The following CHM variants were observed in gnomAD, a reference collection of about 807,000 sequenced individuals.
CHM encodes rab proteins geranylgeranyltransferase component A 1.
Under a neutral mutation model 49.0 loss-of-function variants are expected in CHM, and 10 were observed. The ratio of observed to expected loss-of-function variants is 0.20; its 90% CI spans 0.13 to 0.35. The LOEUF (loss-of-function observed/expected upper bound fraction) is 0.35, where lower values mean the gene tolerates loss of function less well. Ranked by LOEUF, CHM falls within the 10% of genes least tolerant of loss-of-function variation. CHM has a pLI of 1.00. For missense variants in CHM, 455 were observed against 478.4 expected, an observed-to-expected ratio of 0.95 and a Z score of 0.46; for synonymous variants, 184 against 167.5, an observed-to-expected ratio of 1.10 and a Z score of -0.76.
At chrX:85,979,540 G>A (rs779905556) in intron 3 of CHM, among the ~76,000 whole-genome samples, 48 of 111,796 alleles carry the variant, frequency 4.3e-4, no homozygotes, top group Non-Finnish European at 7.7e-4. Flanking sequence ...AAAATGTTCA[G>A]TAATTCCTAA....
chrX:85,868,018 ACTGTGTGTGTGTGTGT>A (rs988153912), intron 14 of CHM, among the ~76,000 whole-genome samples: 2 of 87,154 alleles, frequency 2.3e-5, no homozygotes, highest in African/African-American at 7.9e-5. Context: ...AATAGTTACC[ACTGTGTGTGTGTGTGT>A]GTGTGTGTGT....
chrX:85,973,083 G>T (rs1301717155), intron 4 of CHM, among the ~76,000 whole-genome samples: 1 of 109,659 alleles, frequency 9.1e-6, no homozygotes, highest in Admixed American at 9.7e-5. Flanking sequence ...TGCAGATCAT[G>T]AGGTCAAGAG....
At chrX:85,999,095 A>C (rs1932582163) in intron 2 of CHM, among the ~76,000 whole-genome samples, 1 of 111,545 alleles carries the variant, frequency 9.0e-6, no homozygotes, top group African/African-American at 3.3e-5. Context: ...ACCTAGAAAA[A>C]AAAAATTCAT....
At chrX:86,016,884 A>G (rs1479355371) in intron 2 of CHM, among the ~76,000 whole-genome samples, 3 of 112,196 alleles carry the variant, frequency 2.7e-5, no homozygotes, top group Admixed American at 1.9e-4. Flanking sequence ...ACCAGCTCAT[A>G]AAAGCAGCCA....
At chrX:85,991,234 G>C (rs181181397) in intron 2 of CHM, among the ~76,000 whole-genome samples, 21 of 111,864 alleles carry the variant, frequency 1.9e-4, no homozygotes, top group Admixed American at 1.7e-3. Context: ...TGGCAATCTT[G>C]TGAGGCAGAT....
intron 3 of CHM, among the ~76,000 whole-genome samples, chrX:85,981,206 C>CTATTTATATATATATATATATATATATA (rs1555958595): frequency 1.8e-5 from 1 of 54,366 alleles, no homozygotes; most frequent in African/African-American, 6.0e-5. Flanking sequence ...ATTTCTATTT[C>CTATTTATATATATATATATATATATATA]TATATATATA....
intron 1 of CHM, among the ~76,000 whole-genome samples, chrX:86,028,666 C>T (rs1432446144): frequency 9.0e-6 from 1 of 111,632 alleles, no homozygotes; most frequent in Non-Finnish European, 1.9e-5. Flanking sequence ...ATAGTTAATA[C>T]CCTGTAAGTT....
chrX:86,043,770 C>G (rs2147814329), intron 1 of CHM, among the ~76,000 whole-genome samples: 1 of 107,864 alleles, frequency 9.3e-6, no homozygotes, highest in South Asian at 4.2e-4. Context: ...CTCTGTTTCT[C>G]TGACTAGAGT....
At chrX:85,875,360 T>C (rs1448370740) in intron 13 of CHM, among the ~76,000 whole-genome samples, 2 of 111,960 alleles carry the variant, frequency 1.8e-5, no homozygotes, top group Admixed American at 1.9e-4. Context: ...GGGGTAGAAC[T>C]GGTTTTCTGC....
Position 85,956,252 on chromosome X carries a change from T to G in CHM, c.1067A>C (p.Lys356Thr). Reference sequence around the variant, plus strand: ...ACAGTGAAGAAAGTTTTTGGTAGCTTTGAGACCATCTATGGTGCTGCTGGC... The same window carrying G: ...ACAGTGAAGAAAGTTTTTGGTAGCTGTGAGACCATCTATGGTGCTGCTGGC... Reference protein sequence around the residue: ...ETASSTIDGLKATKNFLHCLG... With the variant: ...ETASSTIDGLTATKNFLHCLG... Residue 356 changes from lysine to threonine, a missense_variant, in exon 8 of 15, where the codon AAA becomes ACA. Transcript: ENST00000357749. The G allele has an allele frequency of 3.3e-6, 4 of 1,211,663 alleles. No homozygotes were observed. Among genetic ancestry groups the G allele is most frequent in the Non-Finnish European group, 4.5e-6 (4 of 895,406 alleles).
chrX:86,040,757 G>A (rs978125416), intron 1 of CHM, among the ~76,000 whole-genome samples: 31 of 111,874 alleles, frequency 2.8e-4, no homozygotes, highest in African/African-American at 9.8e-4. Flanking sequence ...TAAAAAAGCA[G>A]TATCTGTGAT....
At chrX:85,993,457 T>A (rs185645439) in intron 2 of CHM, among the ~76,000 whole-genome samples, 1 of 111,900 alleles carries the variant, frequency 8.9e-6, no homozygotes, top group Non-Finnish European at 1.9e-5. Flanking sequence ...CTCTTATCTA[T>A]CTATTGCATT....
intron 12 of CHM, among the ~76,000 whole-genome samples, chrX:85,890,616 CT>C (rs1238720658): frequency 8.9e-6 from 1 of 112,080 alleles, no homozygotes; most frequent in Non-Finnish European, 1.9e-5. Context: ...TAAGAAGTGC[CT>C]TTTGCCTCCT....
intron 6 of CHM, among the ~76,000 whole-genome samples, chrX:85,958,301 T>A (rs965029677): frequency 3.9e-5 from 4 of 102,580 alleles, no homozygotes; most frequent in African/African-American, 1.1e-4. Context: ...TTATGCCTTT[T>A]CTCCAATTAA....
intron 8 of CHM, among the ~76,000 whole-genome samples, chrX:85,920,487 A>C (rs748434088): frequency 8.9e-6 from 1 of 112,026 alleles, no homozygotes; most frequent in South Asian, 3.7e-4. Context: ...AGGCATTTAC[A>C]TGAGAAGTAG....
intron 2 of CHM, among the ~76,000 whole-genome samples, chrX:86,025,713 AG>A (rs1231803594): frequency 7.6e-5 from 7 of 91,583 alleles, no homozygotes; most frequent in African/African-American, 3.0e-4. Flanking sequence ...AAAAAGAAAA[AG>A]GAAAAGAAAA....
At position 85,989,218 on chromosome X, in the gene CHM, C is replaced by T. The variant is rs184857998; in HGVS notation, c.117-7409G>A. ...TGCCCACCTATGACCACCTGATCTTCGACAAAGCTGACAAAAAGAAGCAAT... is the reference window on the plus strand; with the variant it reads ...TGCCCACCTATGACCACCTGATCTTTGACAAAGCTGACAAAAAGAAGCAAT... On this transcript the variant is annotated intron_variant, in intron 2 of 14. Coordinates refer to ENST00000357749, the MANE Select transcript of CHM (RefSeq NM_000390.4). 5.9e-3 allele frequency among the ~76,000 whole-genome samples: 658 copies of T among 111,097 alleles called. 4 individuals are homozygous for T. The highest frequency in any genetic ancestry group is 0.011 in the Admixed American group (113 of 10,450).
In CHM at chrX:86,010,689, T is replaced by C. The variant is rs766502421; in HGVS notation, c.116+16802A>G. Among the ~76,000 whole-genome samples, 3 of 111,923 alleles carry C rather than the reference T, an allele frequency of 2.7e-5. No homozygotes were observed. In the Admixed American group the frequency reaches 2.8e-4, roughly 11 times the overall value. Reference sequence around the variant, plus strand: ...ATACGACTACAGTTTCTTAGAAGCATGCTTCTAGCCTATTCAAAAGCAGAA... The same window carrying C: ...ATACGACTACAGTTTCTTAGAAGCACGCTTCTAGCCTATTCAAAAGCAGAA... On this transcript the variant is annotated intron_variant, in intron 2 of 14. Transcript: ENST00000357749.
chrX:85,886,907 T>C (rs142953026), intron 12 of CHM, among the ~76,000 whole-genome samples: 1,650 of 107,565 alleles, frequency 0.015, 14 homozygotes, highest in Non-Finnish European at 0.023. Flanking sequence ...AGTCTTGTTA[T>C]ATATTACACA....
Sources: gnomAD v4.1 joint callset for allele counts (sites outside exome capture counted in the v4.1 genomes callset) on GRCh38, gnomAD v4.1.1 for gene constraint, MANE v1.5 for transcripts, NCBI Gene and HGNC (gene_info 2026-07-23, HGNC 2026-07-21) for gene names.